The following SEMA6D variants were observed in gnomAD, a reference collection of about 807,000 sequenced individuals.
The protein encoded by SEMA6D is semaphorin 6D.
A neutral mutation model predicts 106.6 loss-of-function variants in SEMA6D; 35 were observed. The observed-to-expected ratio is 0.33, with a 90% CI of 0.25 to 0.44. SEMA6D has a LOEUF of 0.44. SEMA6D is among the 20% of genes least tolerant of loss of function. SEMA6D has a pLI of 1.00. For missense variants in SEMA6D, 1,185 were observed against 1,345.9 expected, an observed-to-expected ratio of 0.88 and a Z score of 1.87; for synonymous variants, 499 against 487.7, an observed-to-expected ratio of 1.02 and a Z score of -0.31.
intron 4 of SEMA6D, among the ~76,000 whole-genome samples, chr15:47,702,747 T>A (rs933377491): frequency 6.6e-6 from 1 of 151,976 alleles, no homozygotes; most frequent in Non-Finnish European, 1.5e-5. Flanking sequence ...TATTATTAAG[T>A]GAAAGAAGCC....
intron 4 of SEMA6D, among the ~76,000 whole-genome samples, chr15:47,675,288 T>C (rs1327330790): frequency 6.6e-6 from 1 of 152,102 alleles, no homozygotes; most frequent in Non-Finnish European, 1.5e-5. Context: ...AATGTGACCA[T>C]ATTTGGAGAG....
rs996600996 is a variant in SEMA6D, at chr15:47,455,943, A to G, written c.-158-14531A>G. 2.6e-5 allele frequency among the ~76,000 whole-genome samples: 4 copies of G among 152,038 alleles called. No homozygotes were observed. In the East Asian group the frequency reaches 5.8e-4, roughly 22 times the overall value. ...TTTAAAGAGGGGACCCTCAAATTCT[A>G]TAGCTTCAGCCCCCCTCCAAGATGG... On this transcript the variant is annotated intron_variant, in intron 2 of 19. Coordinates refer to the SEMA6D transcript ENST00000558014.
chr15:47,619,493 G>A (rs1017395234), intron 4 of SEMA6D, among the ~76,000 whole-genome samples: 1 of 152,218 alleles, frequency 6.6e-6, no homozygotes, highest in Non-Finnish European at 1.5e-5. Context: ...GTACAAAGTA[G>A]TGAGCTTTAG....
intron 1 of SEMA6D, among the ~76,000 whole-genome samples, chr15:47,258,025 A>T (rs773934890): frequency 1.6e-4 from 24 of 152,168 alleles, no homozygotes; most frequent in African/African-American, 5.8e-4. Flanking sequence ...TTTCCTCTGT[A>T]GCCTACTTTA....
intron 3 of SEMA6D, among the ~76,000 whole-genome samples, chr15:47,567,361 A>T (rs997678798): frequency 1.2e-4 from 18 of 152,378 alleles, no homozygotes; most frequent in African/African-American, 4.3e-4. Context: ...ATGTATGCAT[A>T]TTCAAATAAA....
At chr15:47,509,782 A>T (rs2044169000) in intron 3 of SEMA6D, among the ~76,000 whole-genome samples, 1 of 152,224 alleles carries the variant, frequency 6.6e-6, no homozygotes, top group Non-Finnish European at 1.5e-5. Context: ...AACTAGGAAC[A>T]TCAACATCAC....
At chr15:47,544,163 C>T (rs374732087) in intron 3 of SEMA6D, among the ~76,000 whole-genome samples, 88 of 152,252 alleles carry the variant, frequency 5.8e-4, no homozygotes, top group African/African-American at 1.9e-3. Context: ...ATATAAAACT[C>T]TGTTTTTGTA....
chr15:47,469,884 A>G (rs2042779248), intron 2 of SEMA6D, among the ~76,000 whole-genome samples: 1 of 152,184 alleles, frequency 6.6e-6, no homozygotes, highest in Non-Finnish European at 1.5e-5. Context: ...TTTTATAAGG[A>G]AATACTTTAT....
chr15:47,618,494 G>T (rs2077044876), intron 4 of SEMA6D, among the ~76,000 whole-genome samples: 1 of 152,222 alleles, frequency 6.6e-6, no homozygotes, highest in Non-Finnish European at 1.5e-5. Context: ...GAGTTGCATT[G>T]TCCACTGGAC....
At chr15:47,664,787 T>C (rs1203384501) in intron 4 of SEMA6D, among the ~76,000 whole-genome samples, 1 of 152,250 alleles carries the variant, frequency 6.6e-6, no homozygotes, top group Non-Finnish European at 1.5e-5. Context: ...TCAAGCTTTC[T>C]CTTTGCAGTT....
chr15:47,251,232 T>C (rs2033496919), intron 1 of SEMA6D, among the ~76,000 whole-genome samples: 1 of 152,206 alleles, frequency 6.6e-6, no homozygotes, highest in Admixed American at 6.5e-5. Context: ...TAGGCATCCT[T>C]TCTATGATAT....
At chr15:47,288,609 T>C (rs942991843) in intron 1 of SEMA6D, among the ~76,000 whole-genome samples, 2 of 152,134 alleles carry the variant, frequency 1.3e-5, no homozygotes, top group African/African-American at 2.4e-5. Flanking sequence ...AAATACTGAA[T>C]GGTTAAGTGA....
chr15:47,482,238 GA>G (rs1310880983), intron 3 of SEMA6D, among the ~76,000 whole-genome samples: 3 of 152,202 alleles, frequency 2.0e-5, no homozygotes, highest in East Asian at 3.9e-4. Flanking sequence ...TATTTTTGAG[GA>G]AGATTTTTAA....
chr15:47,685,074 T>C (rs2078440589), intron 4 of SEMA6D, among the ~76,000 whole-genome samples: 1 of 152,190 alleles, frequency 6.6e-6, no homozygotes, highest in Non-Finnish European at 1.5e-5. Context: ...ACTCAGAACA[T>C]ATTCTAGTCC....
At chr15:47,195,009 C>T (rs1894239174) in intron 1 of SEMA6D, among the ~76,000 whole-genome samples, 1 of 152,088 alleles carries the variant, frequency 6.6e-6, no homozygotes, top group Admixed American at 6.5e-5. Flanking sequence ...CTAAGTTTTC[C>T]ACCAAGTTAC....
intron 1 of SEMA6D, among the ~76,000 whole-genome samples, chr15:47,326,643 C>T (rs2037141912): frequency 6.6e-6 from 1 of 152,214 alleles, no homozygotes; most frequent in Non-Finnish European, 1.5e-5. Flanking sequence ...TTGAAAGTGC[C>T]AAGCTAAAGC....
chr15:47,287,417 A>G (rs953848494), intron 1 of SEMA6D, among the ~76,000 whole-genome samples: 1 of 152,190 alleles, frequency 6.6e-6, no homozygotes, highest in African/African-American at 2.4e-5. Context: ...AAATCTTTGA[A>G]TGTCAGAGTC....
At chr15:47,401,675 C>T (rs988225197) in intron 1 of SEMA6D, among the ~76,000 whole-genome samples, 4 of 152,168 alleles carry the variant, frequency 2.6e-5, no homozygotes, top group Non-Finnish European at 5.9e-5. Flanking sequence ...GTAAGCTCTT[C>T]CCTGCCCAGT....
In SEMA6D at chr15:47,294,695, G is replaced by A. The variant is rs184356745; in HGVS notation, c.-239+110277G>A. On this transcript the variant is annotated intron_variant, in intron 1 of 19. Transcript: ENST00000558014. The stretch of plus-strand genomic sequence containing the variant: ...AAAACATTCCAGTGCACTCTTGATA[G>A]CATGCCTCTGGGTCCCTTCCTGCAG... 2.1e-3 allele frequency among the ~76,000 whole-genome samples: 318 copies of A among 152,240 alleles called. 3 individuals carry two copies. Among genetic ancestry groups the A allele is most frequent in the Non-Finnish European group, 2.3e-3 (156 of 68,026 alleles).
Sources: gnomAD v4.1 joint callset for allele counts (sites outside exome capture counted in the v4.1 genomes callset) on GRCh38, gnomAD v4.1.1 for gene constraint, MANE v1.5 for transcripts, NCBI Gene and HGNC (gene_info 2026-07-23, HGNC 2026-07-21) for gene names.